SLC22A3: variants seen among roughly 807,000 people sequenced by gnomAD.
The protein encoded by SLC22A3 is solute carrier family 22 member 3, also known as EMT organic cation transporter 3.
Under a neutral mutation model 59.1 loss-of-function variants are expected in SLC22A3, and 51 were observed. The ratio of observed to expected loss-of-function variants is 0.86; its 90% CI spans 0.69 to 1.09. SLC22A3 has a LOEUF of 1.09. SLC22A3 is among the 50% of genes least tolerant of loss of function. The probability of loss-of-function intolerance (pLI) is 0.00; values close to 1 mark genes in which losing one functional copy is unlikely to be tolerated. For synonymous variants in SLC22A3, 325 were observed against 292.0 expected, an observed-to-expected ratio of 1.11 and a Z score of -1.15; for missense variants, 711 against 726.3, an observed-to-expected ratio of 0.98 and a Z score of 0.24.
At chr6:160,386,101 TGCACCTTGA>T (rs750995316) in intron 1 of SLC22A3, among the ~76,000 whole-genome samples, 21 of 152,212 alleles carry the variant, frequency 1.4e-4, no homozygotes, top group Non-Finnish European at 1.5e-5. Context: ...CAGAGCAGGG[TGCACCTTGA>T]GCACCTTGAG....
intron 5 of SLC22A3, among the ~76,000 whole-genome samples, chr6:160,422,653 A>C (rs192255675): frequency 1.3e-5 from 2 of 152,206 alleles, no homozygotes; most frequent in African/African-American, 4.8e-5. Flanking sequence ...ACAGAAAGGC[A>C]AACAGATTGA....
At chr6:160,396,308 G>T (rs1383749647) in intron 1 of SLC22A3, among the ~76,000 whole-genome samples, 1 of 152,172 alleles carries the variant, frequency 6.6e-6, no homozygotes. Flanking sequence ...ATAAGTAAAT[G>T]TAAATGACTG....
At chr6:160,357,405 G>A (rs1008653701) in intron 1 of SLC22A3, among the ~76,000 whole-genome samples, 1 of 152,198 alleles carries the variant, frequency 6.6e-6, no homozygotes, top group Non-Finnish European at 1.5e-5. Flanking sequence ...CCAACGGGAA[G>A]CTTTGGGCAA....
chr6:160,410,586 T>C, intron 4 of SLC22A3, 143 bp from the exon 5 acceptor site: 1 of 667,562 alleles, frequency 1.5e-6, no homozygotes, highest in Non-Finnish European at 2.8e-6. Flanking sequence ...ATAATCTGTA[T>C]TTCAGGGACC....
rs986554560 is a variant in SLC22A3 at position 160,450,469 on chromosome 6, G to T, written c.1611-527G>T. On this transcript the variant is annotated intron_variant, in intron 10 of 10. Coordinates refer to ENST00000275300, the MANE Select transcript of SLC22A3 (RefSeq NM_021977.4). ...TTTCAAGGTGCACTGATTTCATATT[G>T]TTCAAACACACATGTTTTATAATCA... Among the ~76,000 whole-genome samples the T allele has an allele frequency of 5.9e-5, 9 of 152,014 alleles. No homozygotes were observed. The East Asian group carries it at 1.7e-3, about 29-fold the overall frequency.
intron 4 of SLC22A3, 138 bp from the exon 5 acceptor site, chr6:160,410,591 G>T: frequency 1.5e-6 from 1 of 682,494 alleles, no homozygotes. Context: ...CTGTATTTCA[G>T]GGACCTATTA....
chr6:160,348,410 C>A lies in SLC22A3; in HGVS notation c.-10C>A. On this transcript the variant is annotated 5_prime_UTR_variant, in exon 1 of 11. Coordinates refer to ENST00000275300, the MANE Select transcript of SLC22A3 (RefSeq NM_021977.4). The stretch of plus-strand genomic sequence containing the variant: ...GGCGCGGGCTGCGGGCGGCGGGCGG[C>A]GGGCGCACCATGCCCTCCTTCGACG... The A allele has an allele frequency of 6.9e-7, 1 of 1,447,426 alleles. No individual in the cohort carries two copies. The allele number at this position is 1,447,426 out of a possible 1,614,324, so 89.7% of individuals were successfully genotyped here. A position where few individuals can be genotyped will look rare whatever the true frequency, so the allele number is the denominator to read the frequency against.
intron 7 of SLC22A3, among the ~76,000 whole-genome samples, chr6:160,439,127 C>A (rs760526472): frequency 6.6e-6 from 1 of 151,928 alleles, no homozygotes; most frequent in South Asian, 2.1e-4. Context: ...TATTTAGTAT[C>A]GACTAATTGC....
At chr6:160,400,782 G>A (rs1445428666) in intron 2 of SLC22A3, among the ~76,000 whole-genome samples, 1 of 151,944 alleles carries the variant, frequency 6.6e-6, no homozygotes, top group African/African-American at 2.4e-5. Context: ...GAAGTCTGAT[G>A]CATAAAGTAG....
At chr6:160,438,945 T>C (rs1788447207) in intron 7 of SLC22A3, among the ~76,000 whole-genome samples, 1 of 152,056 alleles carries the variant, frequency 6.6e-6, no homozygotes, top group Admixed American at 6.6e-5. Context: ...TCTCTGCTTG[T>C]GTCAGTGTCA....
chr6:160,441,552 C>T (rs1485461867), intron 7 of SLC22A3, among the ~76,000 whole-genome samples: 1 of 151,588 alleles, frequency 6.6e-6, no homozygotes, highest in Non-Finnish European at 1.5e-5. Context: ...ATTCTTGAGC[C>T]ATCTTTTCCT....
chr6:160,383,946 G>A (rs1421730331), intron 1 of SLC22A3, among the ~76,000 whole-genome samples: 4 of 152,078 alleles, frequency 2.6e-5, no homozygotes, highest in Non-Finnish European at 5.9e-5. Flanking sequence ...GTTTTGGTGG[G>A]GGGGATGGAG....
At chr6:160,391,644 T>C (rs564869502) in intron 1 of SLC22A3, among the ~76,000 whole-genome samples, 1 of 152,298 alleles carries the variant, frequency 6.6e-6, no homozygotes, top group East Asian at 1.9e-4. Context: ...TTTAGAACCT[T>C]TCATCTTCTT....
intron 1 of SLC22A3, among the ~76,000 whole-genome samples, chr6:160,395,669 A>T (rs1562483068): frequency 6.6e-6 from 1 of 152,224 alleles, no homozygotes; most frequent in Non-Finnish European, 1.5e-5. Context: ...AAAATCCTTT[A>T]AAATGACCAT....
In SLC22A3 at chr6:160,451,326, T is replaced by C. The variant is rs1788955549; in HGVS notation, c.*270T>C. ...CACAGCCCTTCCTGGGTTTTTTTCT[T>C]GTGTTCCCTGTGGTCTCTGACCCAT... On this transcript the variant is annotated 3_prime_UTR_variant, in exon 11 of 11. Coordinates refer to ENST00000275300, the MANE Select transcript of SLC22A3 (RefSeq NM_021977.4). 1 of 436,608 alleles carries C rather than the reference T, an allele frequency of 2.3e-6. No individual in the cohort carries two copies. The highest frequency in any genetic ancestry group is 2.0e-5 in the African/African-American group (1 of 50,330). 27.0% of individuals were successfully genotyped at this position (436,608 alleles called of 1,614,324 possible).
Position 160,452,385 on chromosome 6 carries a change from G to A in SLC22A3, c.*1329G>A, listed in dbSNP as rs1009448097. ...TTTAAAACACATCAGAATTGAATAC[G>A]AATAATCTATTTGTCGATGAAATAA... On this transcript the variant is annotated 3_prime_UTR_variant, in exon 11 of 11. Transcript: ENST00000275300. 3.3e-5 allele frequency: 5 copies of A among 152,102 alleles called. No homozygotes were observed. The East Asian group carries it at 7.7e-4, about 23-fold the overall frequency. The allele number at this position is 152,102 out of a possible 1,614,324, so 9.4% of individuals were successfully genotyped here.
At position 160,386,776 on chromosome 6, in the gene SLC22A3, G is replaced by C. The variant is rs150362322; in HGVS notation, c.430-11203G>C. ...AGGCATGCACAGCACTTACCCCAAG[G>C]CATGGTGTCATTATTGCTGTTGCTT... On this transcript the variant is annotated intron_variant, in intron 1 of 10. Coordinates refer to ENST00000275300, the MANE Select transcript of SLC22A3 (RefSeq NM_021977.4). 7.6e-4 allele frequency among the ~76,000 whole-genome samples: 116 copies of C among 152,332 alleles called. 1 individual carries two copies. In the East Asian group the frequency reaches 0.019, roughly 25 times the overall value.
chr6:160,437,219 T>C lies in SLC22A3; in HGVS notation c.1288+8T>C. 1 of 1,613,836 alleles carries C rather than the reference T, an allele frequency of 6.2e-7. No homozygotes were observed. The highest frequency in any genetic ancestry group is 8.5e-7 in the Non-Finnish European group (1 of 1,179,786). ...CTGCGTTCTTACCAGAAGGTAATCT[T>C]ACCCCACATCTGTTTGGCAGCCAAA... On this transcript the variant is annotated splice_region_variant and intron_variant, in intron 7 of 10. Transcript: ENST00000275300.
At chr6:160,399,116 T>C (rs1786648113) in intron 2 of SLC22A3, among the ~76,000 whole-genome samples, 1 of 152,172 alleles carries the variant, frequency 6.6e-6, no homozygotes, top group Non-Finnish European at 1.5e-5. Flanking sequence ...TTTCTGTCAC[T>C]TTTTCTTTCT....
Sources: gnomAD v4.1 joint callset for allele counts (sites outside exome capture counted in the v4.1 genomes callset) on GRCh38, gnomAD v4.1.1 for gene constraint, MANE v1.5 for transcripts, NCBI Gene and HGNC (gene_info 2026-07-23, HGNC 2026-07-21) for gene names.